Variants in HS3ST3A1 observed in about 807,000 individuals in gnomAD.
HS3ST3A1 encodes heparan sulfate glucosamine 3-O-sulfotransferase 3A1.
Under a neutral mutation model 25.7 loss-of-function variants are expected in HS3ST3A1, and 19 were observed. The observed-to-expected ratio is 0.74, with a 90% CI of 0.52 to 1.08. The LOEUF (loss-of-function observed/expected upper bound fraction) is 1.08, where lower values mean the gene tolerates loss of function less well. Among genes scored for constraint, HS3ST3A1 ranks in the 50% least tolerant of loss-of-function variants. HS3ST3A1 has a pLI of 0.00. For missense variants in HS3ST3A1, 459 were observed against 594.3 expected, an observed-to-expected ratio of 0.77 and a Z score of 2.37; for synonymous variants, 226 against 278.6, an observed-to-expected ratio of 0.81 and a Z score of 1.88.
chr17:13,535,461 G>T (rs905582596), intron 1 of HS3ST3A1, among the ~76,000 whole-genome samples: 2 of 152,168 alleles, frequency 1.3e-5, no homozygotes, highest in African/African-American at 2.4e-5. Context: ...AACAAGAAGG[G>T]AGAGTGTTGT....
chr17:13,553,149 C>A (rs1297617465), intron 1 of HS3ST3A1, among the ~76,000 whole-genome samples: 1 of 152,090 alleles, frequency 6.6e-6, no homozygotes, highest in African/African-American at 2.4e-5. Flanking sequence ...AATACAGGAT[C>A]CCAGTAACAA....
chr17:13,537,063 T>A (rs1298245793), intron 1 of HS3ST3A1, among the ~76,000 whole-genome samples: 5 of 152,138 alleles, frequency 3.3e-5, no homozygotes, highest in African/African-American at 7.2e-5. Context: ...CTGTATGGTG[T>A]CAACTTTGTG....
intron 1 of HS3ST3A1, among the ~76,000 whole-genome samples, chr17:13,518,229 A>C (rs1275881661): frequency 8.7e-6 from 1 of 114,760 alleles, no homozygotes; most frequent in African/African-American, 3.1e-5. Context: ...CAAGCTTCTC[A>C]AAACAGGAAA....
Position 13,600,933 on chromosome 17 carries a change from G to A in HS3ST3A1, c.197C>T (p.Pro66Leu). 6 of 1,531,072 alleles carry A rather than the reference G, an allele frequency of 3.9e-6. No individual in the cohort carries two copies. Among genetic ancestry groups the A allele is most frequent in the South Asian group, 1.2e-5 (1 of 82,480 alleles). 94.8% of individuals were successfully genotyped at this position (1,531,072 alleles called of 1,614,324 possible). A position where few individuals can be genotyped will look rare whatever the true frequency, so the allele number is the denominator to read the frequency against. ...LSGGGEEAGA[P>L]GGGVLAGGPR... ...GCCTCCGGCCAGGACGCCGCCACCA[G>A]GGGCCCCCGCCTCCTCGCCGCCGCC... is the stretch of plus-strand genomic sequence containing the variant. Residue 66 changes from proline to leucine, a missense_variant, in exon 1 of 2, where the codon CCT becomes CTT. Physicochemically the swap from Pro to Leu is moderately conservative, Grantham distance 98. Transcript: ENST00000284110.
intron 1 of HS3ST3A1, among the ~76,000 whole-genome samples, chr17:13,526,474 TTATATATATATATATATATATATATA>T (rs58701744): frequency 2.1e-4 from 16 of 76,280 alleles, no homozygotes; most frequent in South Asian, 4.7e-4. Context: ...ACTTTAATTT[TTATATATATATATATATATATATATA>T]TATATATATA....
At chr17:13,547,329 C>T (rs1907118273) in intron 1 of HS3ST3A1, among the ~76,000 whole-genome samples, 1 of 152,068 alleles carries the variant, frequency 6.6e-6, no homozygotes, top group Non-Finnish European at 1.5e-5. Context: ...GGTTGGGGGG[C>T]CCCTAGATAG....
intron 1 of HS3ST3A1, among the ~76,000 whole-genome samples, chr17:13,531,712 A>T (rs569979869): frequency 6.6e-6 from 1 of 152,308 alleles, no homozygotes; most frequent in South Asian, 2.1e-4. Context: ...TCATTACTTC[A>T]TGATATATCT....
intron 1 of HS3ST3A1, among the ~76,000 whole-genome samples, chr17:13,556,468 A>T (rs1907377013): frequency 6.6e-6 from 1 of 151,556 alleles, no homozygotes; most frequent in Non-Finnish European, 1.5e-5. Context: ...AGACTGTGCC[A>T]CTGCACTCCA....
chr17:13,525,865 C>A (rs1906398223), intron 1 of HS3ST3A1, among the ~76,000 whole-genome samples: 1 of 152,038 alleles, frequency 6.6e-6, no homozygotes, highest in African/African-American at 2.4e-5. Context: ...GAAATGTTAC[C>A]CTTTTTTTTT....
intron 1 of HS3ST3A1, among the ~76,000 whole-genome samples, chr17:13,551,345 C>G (rs1598423930): frequency 1.5e-5 from 2 of 134,016 alleles, no homozygotes; most frequent in African/African-American, 5.9e-5. Context: ...GAGACTCCAT[C>G]TCAATAAATA....
At chr17:13,596,924 G>C (rs1300951889) in intron 1 of HS3ST3A1, among the ~76,000 whole-genome samples, 2 of 152,054 alleles carry the variant, frequency 1.3e-5, no homozygotes, top group Non-Finnish European at 2.9e-5. Context: ...CTTGAAAAAC[G>C]GGGCCATGAT....
intron 1 of HS3ST3A1, among the ~76,000 whole-genome samples, chr17:13,528,603 C>T (rs1489642885): frequency 6.6e-6 from 1 of 152,170 alleles, no homozygotes; most frequent in African/African-American, 2.4e-5. Flanking sequence ...AGTTCCCTCT[C>T]TAAGACACCT....
At chr17:13,523,877 T>A (rs1487970891) in intron 1 of HS3ST3A1, among the ~76,000 whole-genome samples, 3 of 152,208 alleles carry the variant, frequency 2.0e-5, no homozygotes, top group Non-Finnish European at 4.4e-5. Flanking sequence ...TACTTTTTGT[T>A]CTTTTTCAAG....
intron 1 of HS3ST3A1, among the ~76,000 whole-genome samples, chr17:13,512,323 A>AC (rs765446888): frequency 4.0e-5 from 6 of 151,036 alleles, no homozygotes; most frequent in Non-Finnish European, 4.4e-5. Flanking sequence ...AAAAAAAAAA[A>AC]AAAACTGCAT....
At chr17:13,503,903 C>T (rs186287686) in intron 1 of HS3ST3A1, among the ~76,000 whole-genome samples, 243 of 152,308 alleles carry the variant, frequency 1.6e-3, no homozygotes, top group African/African-American at 5.6e-3. Context: ...GACATGTTCA[C>T]GAATGTTCAC....
At chr17:13,530,732 G>A (rs1374764542) in intron 1 of HS3ST3A1, among the ~76,000 whole-genome samples, 1 of 152,138 alleles carries the variant, frequency 6.6e-6, no homozygotes, top group African/African-American at 2.4e-5. Flanking sequence ...CATGGCCACA[G>A]TCAGCACAAG....
At chr17:13,554,887 A>G (rs949630597) in intron 1 of HS3ST3A1, among the ~76,000 whole-genome samples, 1 of 151,990 alleles carries the variant, frequency 6.6e-6, no homozygotes, top group Admixed American at 6.6e-5. Flanking sequence ...CCCATAAATT[A>G]TCTCCCCACA....
chr17:13,576,453 A>G (rs974905548), intron 1 of HS3ST3A1, among the ~76,000 whole-genome samples: 11 of 152,386 alleles, frequency 7.2e-5, no homozygotes, highest in Admixed American at 5.9e-4. Context: ...CACTCCAGAC[A>G]GAGAACGCAC....
chr17:13,568,032 T>C (rs551220434), intron 1 of HS3ST3A1, among the ~76,000 whole-genome samples: 1 of 151,658 alleles, frequency 6.6e-6, no homozygotes, highest in East Asian at 1.9e-4. Context: ...AAAGGAAGAG[T>C]GGATCAATGA....
Sources: gnomAD v4.1 joint callset for allele counts (sites outside exome capture counted in the v4.1 genomes callset) on GRCh38, gnomAD v4.1.1 for gene constraint, MANE v1.5 for transcripts, NCBI Gene and HGNC (gene_info 2026-07-23, HGNC 2026-07-21) for gene names.